MED20: variants seen among roughly 807,000 people sequenced by gnomAD.
MED20 encodes mediator of RNA polymerase II transcription subunit 20.
Under a neutral mutation model 19.7 loss-of-function variants are expected in MED20, and 19 were observed. The observed-to-expected ratio is 0.96, with a 90% CI of 0.67 to 1.42. The LOEUF (loss-of-function observed/expected upper bound fraction) is 1.42, where lower values mean the gene tolerates loss of function less well. Among genes scored for constraint, MED20 ranks in the 40% most tolerant of loss-of-function variants. The pLI, the probability that MED20 is intolerant of heterozygous loss-of-function variation, is 0.00. For missense variants in MED20, 225 were observed against 273.0 expected, an observed-to-expected ratio of 0.82 and a Z score of 1.24; for synonymous variants, 105 against 104.8, an observed-to-expected ratio of 1.00 and a Z score of -0.01.
intron 2 of MED20, chr6:41,913,161 C>G (rs971985034): frequency 6.6e-6 from 1 of 151,902 alleles, no homozygotes; most frequent in African/African-American, 2.4e-5. Flanking sequence ...TACTCTCCTC[C>G]AAACTACTAA....
At chr6:41,918,010 C>G (rs750757530) in intron 1 of MED20, 1 of 258,908 alleles carries the variant, frequency 3.9e-6, no homozygotes, top group Non-Finnish European at 8.3e-6. Flanking sequence ...AAGAATGGAA[C>G]AAAACAAAAA....
At chr6:41,918,904 G>C (rs1171388619) in intron 1 of MED20, among the ~76,000 whole-genome samples, 1 of 142,592 alleles carries the variant, frequency 7.0e-6, no homozygotes. Context: ...CCGAGATTGC[G>C]CCACTGCAGT....
At chr6:41,911,116 A>C (rs556020969) in intron 2 of MED20, among the ~76,000 whole-genome samples, 2 of 152,166 alleles carry the variant, frequency 1.3e-5, no homozygotes, top group East Asian at 3.9e-4. Flanking sequence ...CAAAAAAAAA[A>C]AAAAGCTGAC....
chr6:41,914,958 G>T (rs776820127), intron 2 of MED20, among the ~76,000 whole-genome samples: 9 of 152,140 alleles, frequency 5.9e-5, no homozygotes, highest in Admixed American at 1.3e-4. Context: ...AAATTTCAGA[G>T]TGCATAAGGA....
intron 1 of MED20, among the ~76,000 whole-genome samples, chr6:41,919,735 G>T (rs1442138872): frequency 6.6e-6 from 1 of 152,090 alleles, no homozygotes; most frequent in Non-Finnish European, 1.5e-5. Context: ...TTCAAGACCT[G>T]CATGTACAAA....
intron 2 of MED20, among the ~76,000 whole-genome samples, chr6:41,915,820 A>G: frequency 6.6e-6 from 1 of 152,142 alleles, no homozygotes; most frequent in East Asian, 1.9e-4. Context: ...TCACATACAA[A>G]GAAATTTTGG....
chr6:41,914,296 G>T (rs1775261848), intron 2 of MED20, among the ~76,000 whole-genome samples: 1 of 152,218 alleles, frequency 6.6e-6, no homozygotes, highest in South Asian at 2.1e-4. Flanking sequence ...AGAGGGAGAG[G>T]AACACTGTGG....
rs1039538819 is a variant in MED20 at position 41,906,196 on chromosome 6, G to A, written c.*876C>T. On this transcript the variant is annotated 3_prime_UTR_variant, in exon 4 of 4. Coordinates refer to ENST00000265350, the MANE Select transcript of MED20 (RefSeq NM_004275.5). ...CAGCAAAGTGTGGCCACAGTGATCT[G>A]AGCAATGCTCAGTCATATCTTTTTT... is the stretch of plus-strand genomic sequence containing the variant. 1 of 152,220 alleles carries A rather than the reference G, an allele frequency of 6.6e-6. No individual in the cohort carries two copies. Among genetic ancestry groups the A allele is most frequent in the Non-Finnish European group, 1.5e-5 (1 of 68,058 alleles). 9.4% of individuals were successfully genotyped at this position (152,220 alleles called of 1,614,324 possible).
Position 41,905,843 on chromosome 6 carries a change from G to A in MED20, c.*1229C>T, listed in dbSNP as rs895957182. The A allele has an allele frequency of 6.6e-6, 1 of 152,180 alleles. No individual in the cohort carries two copies. Among genetic ancestry groups the A allele is most frequent in the African/African-American group, 2.4e-5 (1 of 41,438 alleles). The allele number at this position is 152,180 out of a possible 1,614,324, so 9.4% of individuals were successfully genotyped here. On this transcript the variant is annotated 3_prime_UTR_variant, in exon 4 of 4. Coordinates refer to ENST00000265350, the MANE Select transcript of MED20 (RefSeq NM_004275.5). Reference sequence around the variant, plus strand: ...CTAACCCTAAGATCAGGGTGCATGAGAACTGGAGAGGCCTCAATACTGAGA... The same window carrying A: ...CTAACCCTAAGATCAGGGTGCATGAAAACTGGAGAGGCCTCAATACTGAGA...
chr6:41,919,974 C>T (rs1221677751), intron 1 of MED20, among the ~76,000 whole-genome samples: 1 of 152,148 alleles, frequency 6.6e-6, no homozygotes, highest in African/African-American at 2.4e-5. Flanking sequence ...GTATGAGAAG[C>T]CTATATCCAC....
chr6:41,917,434 A>C (rs760695939), intron 1 of MED20: 3 of 191,972 alleles, frequency 1.6e-5, no homozygotes, highest in Non-Finnish European at 3.4e-5. Flanking sequence ...AGTCAAGTGC[A>C]GTAGTTAGAG....
chr6:41,916,511 T>C (rs984887031), intron 2 of MED20, among the ~76,000 whole-genome samples: 54 of 151,158 alleles, frequency 3.6e-4, no homozygotes, highest in Middle Eastern at 3.4e-3. Flanking sequence ...ACCTGGGAGG[T>C]GGAGGTTGCA....
chr6:41,920,870 G>A, intron 1 of MED20, 135 bp downstream of exon 1: 5 of 1,131,386 alleles, frequency 4.4e-6, no homozygotes, highest in Non-Finnish European at 6.0e-6. Context: ...CCCGCAGCCC[G>A]GACGGCATCC....
intron 2 of MED20, among the ~76,000 whole-genome samples, chr6:41,911,335 G>A (rs1775189407): frequency 6.6e-6 from 1 of 151,666 alleles, no homozygotes; most frequent in South Asian, 2.1e-4. Flanking sequence ...ATTTTTAGTA[G>A]AGACGGGGTT....
rs767169637 is a variant in MED20, at chr6:41,907,096, C to T, written c.615G>A (p.Gln205=). 1.2e-6 allele frequency: 2 copies of T among 1,613,886 alleles called. No individual in the cohort carries two copies. The highest frequency in any genetic ancestry group is 2.2e-5 in the South Asian group (2 of 91,070). ...ELFNKIRKQQ[Q]VPVAGIR ...ACTAACGAATCCCAGCCACCGGCAC[C>T]TGCTGCTGCTTGCGGATCTTGTTGA... Residue 205 remains glutamine, a synonymous_variant, in exon 4 of 4, where the codon CAG becomes CAA. Coordinates refer to ENST00000265350, the MANE Select transcript of MED20 (RefSeq NM_004275.5).
intron 1 of MED20, chr6:41,917,863 G>C (rs1208258033): frequency 2.2e-6 from 1 of 447,112 alleles, no homozygotes; most frequent in South Asian, 1.6e-5. Context: ...TAGTGTATTG[G>C]ACACTGTTGT....
intron 2 of MED20, among the ~76,000 whole-genome samples, chr6:41,914,721 G>GA (rs1315397381): frequency 1.4e-3 from 184 of 130,850 alleles, no homozygotes; most frequent in Middle Eastern, 4.0e-3. Flanking sequence ...ACTCTAAAAA[G>GA]AAAAAAAAAA....
chr6:41,914,302 T>C (rs753606486), intron 2 of MED20, among the ~76,000 whole-genome samples: 4 of 152,192 alleles, frequency 2.6e-5, no homozygotes, highest in Non-Finnish European at 5.9e-5. Flanking sequence ...AGAGGAACAC[T>C]GTGGGCTTCC....
At chr6:41,907,941 G>A (rs894059366) in intron 3 of MED20, among the ~76,000 whole-genome samples, 6 of 152,174 alleles carry the variant, frequency 3.9e-5, no homozygotes, top group Non-Finnish European at 7.3e-5. Flanking sequence ...GAAATGTGGA[G>A]GATAAACAGC....
Sources: allele counts gnomAD v4.1 joint callset (sites outside exome capture counted in the v4.1 genomes callset), GRCh38; gene constraint gnomAD v4.1.1; transcripts MANE v1.5; gene names NCBI Gene and HGNC (gene_info 2026-07-23, HGNC 2026-07-21).